The following CFAP46 variants were observed in gnomAD, a reference collection of about 807,000 sequenced individuals.
CFAP46 encodes the protein cilia and flagella associated protein 46, also known as cilia- and flagella-associated protein 46.
In CFAP46, 245 loss-of-function variants were observed where a neutral mutation model predicts 325.7. The observed-to-expected ratio is 0.75, with a 90% CI of 0.68 to 0.84. The LOEUF is 0.84. Among genes scored for constraint, CFAP46 ranks in the 40% least tolerant of loss-of-function variants. The pLI, the probability that CFAP46 is intolerant of heterozygous loss-of-function variation, is 0.00. For synonymous variants in CFAP46, 1,523 were observed against 1,495.9 expected (o/e 1.02, Z -0.42); for missense variants, 3,346 against 3,543.0 (o/e 0.94, Z 1.41).
At chr10:132,911,744 C>T (rs556267230) in intron 19 of CFAP46, among the ~76,000 whole-genome samples, 115 of 152,336 alleles carry the variant, frequency 7.5e-4, no homozygotes, top group African/African-American at 2.6e-3. Flanking sequence ...CCAGGATCGT[C>T]CCACACACTG....
rs1269215265 is a variant in CFAP46 at position 132,850,306 on chromosome 10, G to T, written c.5890C>A (p.His1964Asn). ...RLLGLAGRAL[H>N]LLAMQADPVH... is the part of the protein sequence containing the mutation. The stretch of plus-strand genomic sequence containing the variant: ...GGGTCAGCTTGCATGGCCAGCAGGT[G>T]CAGGGCCCTCCCGGCCAGGCCCAGG... The change falls in exon 41 of 58, where the codon CAC becomes AAC. Residue 1964 changes from histidine to asparagine, a missense_variant. By Grantham distance (68) the His-to-Asn change is moderately conservative (BLOSUM62 1). Transcript: ENST00000368586. 6.4e-7 allele frequency: 1 copy of T among 1,551,286 alleles called. No homozygotes were observed. The highest frequency in any genetic ancestry group is 1.2e-5 in the South Asian group (1 of 84,106).
At chr10:132,915,463 C>G (rs1291746894) in intron 17 of CFAP46, among the ~76,000 whole-genome samples, 2 of 152,270 alleles carry the variant, frequency 1.3e-5, no homozygotes, top group Non-Finnish European at 2.9e-5. Context: ...CACCTCTTCC[C>G]TCCAAAGAGC....
intron 8 of CFAP46, among the ~76,000 whole-genome samples, chr10:132,933,337 TA>T (rs1849943035): frequency 1.3e-5 from 2 of 152,120 alleles, no homozygotes; most frequent in African/African-American, 4.8e-5. Context: ...AGAGAATCCG[TA>T]AAAGTGCCTG....
intron 44 of CFAP46, among the ~76,000 whole-genome samples, chr10:132,841,444 C>A (rs1356985247): frequency 6.6e-6 from 1 of 152,212 alleles, no homozygotes; most frequent in Non-Finnish European, 1.5e-5. Flanking sequence ...GGGTGCAGCC[C>A]ACATGGCTGC....
chr10:132,834,146 G>C, intron 48 of CFAP46, 23 bp from the exon 49 acceptor site: 3 of 1,611,268 alleles, frequency 1.9e-6, no homozygotes, highest in South Asian at 2.2e-5. Flanking sequence ...TTATATATTC[G>C]GGTTTAAGAA....
At chr10:132,865,859 G>A (rs1207472659) in intron 35 of CFAP46, among the ~76,000 whole-genome samples, 166 bp downstream of exon 35, 9 of 152,236 alleles carry the variant, frequency 5.9e-5, no homozygotes, top group Non-Finnish European at 1.3e-4. Flanking sequence ...ACAGACAGAG[G>A]ACGCACAGGA....
chr10:132,835,939 C>T (rs1317105706), intron 46 of CFAP46, among the ~76,000 whole-genome samples: 5 of 95,718 alleles, frequency 5.2e-5, no homozygotes, highest in Non-Finnish European at 8.7e-5. Context: ...CCTGCCCCTG[C>T]TCCCCCCTCC....
rs1417408820 is a variant in CFAP46, at chr10:132,899,034, G to A, written c.3144C>T (p.Ala1048=). The A allele has an allele frequency of 1.7e-5, 26 of 1,550,578 alleles. No individual in the cohort carries two copies. The highest frequency in any genetic ancestry group is 7.3e-5 in the East Asian group (3 of 40,916). ...WNAWLPLLSS[A]VYRKKAKGAL... ...CACCCTTGGCCTTCTTCCTGTAGAC[G>A]GCTGAGGACAGCAGTGGGAGCCAGG... Residue 1048 remains alanine (A), a synonymous_variant, in exon 24 of 58, where the codon GCC becomes GCT. Transcript: ENST00000368586.
intron 8 of CFAP46, among the ~76,000 whole-genome samples, chr10:132,930,890 G>A (rs1591098127): frequency 2.2e-5 from 2 of 91,780 alleles, no homozygotes. Flanking sequence ...CAGAGCCTGG[G>A]CCTTCCCCAC....
intron 56 of CFAP46, 86 bp from the exon 57 acceptor site, chr10:132,810,575 G>T (rs1005703668): frequency 8.3e-7 from 1 of 1,198,290 alleles, no homozygotes. Flanking sequence ...GATGCCAGGG[G>T]CCCACGCACT....
chr10:132,815,474 G>A (rs1172021508), intron 50 of CFAP46, among the ~76,000 whole-genome samples: 3 of 152,250 alleles, frequency 2.0e-5, no homozygotes, highest in Non-Finnish European at 2.9e-5. Context: ...TTAAGAAGGA[G>A]GCTGTCTCCA....
At chr10:132,850,991 GTCCCCA>G in intron 40 of CFAP46, 120 bp downstream of exon 40, 1 of 1,093,082 alleles carries the variant, frequency 9.1e-7, no homozygotes, top group Non-Finnish European at 1.3e-6. Context: ...GCTGCAAGAG[GTCCCCA>G]GCTGACCCGC....
chr10:132,844,183 AG>A (rs1848397126), intron 44 of CFAP46, among the ~76,000 whole-genome samples: 1 of 139,464 alleles, frequency 7.2e-6, no homozygotes, highest in South Asian at 2.3e-4. Context: ...GGGCGTTCCC[AG>A]GGTGCTGCGG....
At chr10:132,938,853 G>T in intron 4 of CFAP46, 100 bp from the exon 5 acceptor site, 1 of 1,132,574 alleles carries the variant, frequency 8.8e-7, no homozygotes, top group East Asian at 2.4e-5. Context: ...CCTCCCAGGA[G>T]GGGCCTCAGG....
intron 25 of CFAP46, among the ~76,000 whole-genome samples, chr10:132,887,177 CCCT>C (rs1161955645): frequency 1.5e-4 from 6 of 40,776 alleles, no homozygotes; most frequent in African/African-American, 8.9e-4. Context: ...CTTTCCTCTC[CCCT>C]CTTCTCTCTC....
chr10:132,916,575 C>T lies in CFAP46; in HGVS notation c.2094G>A (p.Glu698=). 4.5e-6 allele frequency: 7 copies of T among 1,548,014 alleles called. No homozygotes were observed. The highest frequency in any genetic ancestry group is 6.1e-6 in the Non-Finnish European group (7 of 1,145,790). The change falls in exon 17 of 58, where the codon GAG becomes GAA. Residue 698 remains glutamate (E), a synonymous_variant. Transcript: ENST00000368586. ...HPAGYVPEPP[E]VNAEWITYRT... ...TGTATGTGATCCACTCAGCATTCAC[C>T]TCCGGGGGCTCAGGCACGTAGCCAG...
rs962068777 is a variant in CFAP46, at chr10:132,827,592, G to A, written c.7117+5766C>T. Among the ~76,000 whole-genome samples, 9 of 152,178 alleles carry A rather than the reference G, an allele frequency of 5.9e-5. No individual in the cohort carries two copies. Among genetic ancestry groups the A allele is most frequent in the Non-Finnish European group, 1.3e-4 (9 of 68,018 alleles). ...GAGTACAGAGTCCAATTTGAGCATT[G>A]TTCAGGTTCAACTGACCACAGGGAG... On this transcript the variant is annotated intron_variant, in intron 50 of 57. Transcript: ENST00000368586. The surrounding 1 kb of genome is among the most constrained non-coding windows in gnomAD (Gnocchi z 5.7).
chr10:132,891,341 G>A (rs1465764616), intron 25 of CFAP46, among the ~76,000 whole-genome samples: 5 of 152,178 alleles, frequency 3.3e-5, no homozygotes, highest in East Asian at 1.9e-4. Flanking sequence ...AGGGGGCAAG[G>A]GTGGACAGGC....
chr10:132,855,335 T>C (rs919149615), intron 39 of CFAP46, among the ~76,000 whole-genome samples: 1 of 152,248 alleles, frequency 6.6e-6, no homozygotes, highest in African/African-American at 2.4e-5. Context: ...GTTGTTAATA[T>C]AGCCACTCCA....
Sources: allele counts gnomAD v4.1 joint callset (sites outside exome capture counted in the v4.1 genomes callset), GRCh38; gene constraint gnomAD v4.1.1; non-coding constraint Gnocchi (gnomAD v3.1); transcripts MANE v1.5; gene names NCBI Gene and HGNC (gene_info 2026-07-23, HGNC 2026-07-21).